The following PDE1A variants were observed in gnomAD, a reference collection of about 807,000 sequenced individuals.
The protein encoded by PDE1A is phosphodiesterase 1A.
PDE1A carries 35 observed loss-of-function variants against 61.7 expected under a neutral mutation model. That is an observed-to-expected ratio of 0.57 (90% CI 0.43 to 0.75). PDE1A has a LOEUF of 0.75. Among genes scored for constraint, PDE1A ranks in the 30% least tolerant of loss-of-function variants. The probability of loss-of-function intolerance (pLI) is 0.00; values close to 1 mark genes in which losing one functional copy is unlikely to be tolerated. For synonymous variants in PDE1A, 232 were observed against 213.2 expected (o/e 1.09, Z -0.77); for missense variants, 597 against 630.6 (o/e 0.95, Z 0.57).
the PDE1A span, among the ~76,000 whole-genome samples, chr2:182,663,725 C>T: frequency 6.6e-6 from 1 of 151,846 alleles, no homozygotes; most frequent in East Asian, 1.9e-4. Flanking sequence ...TAATGAGTAC[C>T]AGGCTTAGTA....
At chr2:182,251,876 G>T (rs954186551) in intron 2 of PDE1A, among the ~76,000 whole-genome samples, 3 of 152,118 alleles carry the variant, frequency 2.0e-5, no homozygotes, top group African/African-American at 7.2e-5. Context: ...ACTTGACTGA[G>T]AACTAAAAAA....
At chr2:182,213,893 G>A (rs1285736455) in intron 7 of PDE1A, among the ~76,000 whole-genome samples, 67 of 122,558 alleles carry the variant, frequency 5.5e-4, no homozygotes, top group African/African-American at 1.9e-3. Flanking sequence ...GCAGGCCAAC[G>A]TTCACATTCA....
chr2:182,548,153 G>A, the PDE1A span, among the ~76,000 whole-genome samples: 84 of 152,230 alleles, frequency 5.5e-4, 1 homozygote, highest in South Asian at 0.012. Context: ...TTAAGTCAGT[G>A]AACATAATAT....
chr2:182,585,699 A>G, the PDE1A span, among the ~76,000 whole-genome samples: 2 of 152,192 alleles, frequency 1.3e-5, no homozygotes, highest in Non-Finnish European at 2.9e-5. Context: ...GAGAAGCAAA[A>G]TATTTCTCAT....
chr2:182,643,827 C>T, the PDE1A span, among the ~76,000 whole-genome samples: 2 of 152,008 alleles, frequency 1.3e-5, no homozygotes, highest in Admixed American at 1.3e-4. Flanking sequence ...TTTGGCACAT[C>T]TAGAAAAATA....
the PDE1A span, among the ~76,000 whole-genome samples, chr2:182,691,893 G>A: frequency 1.3e-5 from 2 of 151,018 alleles, no homozygotes; most frequent in East Asian, 3.9e-4. Flanking sequence ...CTCAAAAGAA[G>A]ACATTTATGT....
At chr2:182,350,532 T>C (rs1574423257) in intron 1 of PDE1A, among the ~76,000 whole-genome samples, 1 of 152,196 alleles carries the variant, frequency 6.6e-6, no homozygotes. Context: ...GCAAGGCCCC[T>C]TTTTAAAAAG....
chr2:182,476,894 T>C (rs971248619), intron 2 of PDE1A, among the ~76,000 whole-genome samples: 4 of 109,764 alleles, frequency 3.6e-5, no homozygotes, highest in Admixed American at 1.9e-4. Flanking sequence ...AAGGTTTTCA[T>C]AAAAAAAAAA....
the PDE1A span, among the ~76,000 whole-genome samples, chr2:182,685,527 G>T: frequency 6.6e-6 from 1 of 152,148 alleles, no homozygotes; most frequent in African/African-American, 2.4e-5. Flanking sequence ...CTTTGTGCAA[G>T]TTATTTAACC....
At chr2:182,528,750 C>T in the PDE1A span, among the ~76,000 whole-genome samples, 5 of 152,186 alleles carry the variant, frequency 3.3e-5, no homozygotes, top group African/African-American at 7.2e-5. Context: ...GATTTCGTGC[C>T]CTGTATCCCA....
At chr2:182,273,740 A>G (rs927428679) in intron 1 of PDE1A, among the ~76,000 whole-genome samples, 8 of 152,050 alleles carry the variant, frequency 5.3e-5, no homozygotes, top group African/African-American at 1.4e-4. Flanking sequence ...GAAAGTGAGG[A>G]GATAAAAGGT....
At chr2:182,550,796 G>A in the PDE1A span, among the ~76,000 whole-genome samples, 3,976 of 152,220 alleles carry the variant, frequency 0.026, 175 homozygotes, top group African/African-American at 0.09. Context: ...TTGTGGTTCC[G>A]CTATCCTGTA....
At chr2:182,175,988 T>G (rs1347074008) in intron 13 of PDE1A, among the ~76,000 whole-genome samples, 1 of 147,112 alleles carries the variant, frequency 6.8e-6, no homozygotes, top group African/African-American at 2.7e-5. Flanking sequence ...AAAGATCAGA[T>G]AGTTGTAGAT....
chr2:182,237,425 C>T (rs1690116512), intron 3 of PDE1A, among the ~76,000 whole-genome samples: 3 of 152,246 alleles, frequency 2.0e-5, no homozygotes, highest in South Asian at 4.1e-4. Context: ...TTGCAGTAAA[C>T]GGAGATCAAG....
chr2:182,211,141 G>A lies in PDE1A; in HGVS notation c.777-5076C>T, dbSNP rs1458767319. Among the ~76,000 whole-genome samples, 5 of 152,104 alleles carry A rather than the reference G, an allele frequency of 3.3e-5. No homozygotes were observed. In the South Asian group the frequency reaches 8.3e-4, roughly 25 times the overall value. ...AATACCTTCCAACCCTGTCACATTG[G>A]GAGTTATGTTTGCAACACATGAATT... On this transcript the variant is annotated intron_variant, in intron 7 of 13. Coordinates refer to ENST00000351439, the Ensembl canonical transcript of PDE1A.
intron 2 of PDE1A, among the ~76,000 whole-genome samples, chr2:182,254,843 C>T (rs987966310): frequency 6.6e-6 from 1 of 152,150 alleles, no homozygotes; most frequent in Non-Finnish European, 1.5e-5. Context: ...AAGCACTTTC[C>T]TCCATTCTCA....
chr2:182,219,167 C>T (rs988341424), intron 7 of PDE1A, among the ~76,000 whole-genome samples: 1 of 151,884 alleles, frequency 6.6e-6, no homozygotes, highest in African/African-American at 2.4e-5. Context: ...ATAGAAAAGT[C>T]GTTTTTAAAG....
the PDE1A span, among the ~76,000 whole-genome samples, chr2:182,709,149 C>A: frequency 2.1e-5 from 3 of 144,480 alleles, no homozygotes; most frequent in African/African-American, 7.9e-5. Context: ...AATTCCAAAT[C>A]TTTTGAGGAA....
At chr2:182,366,634 T>TGAA (rs3063063) in intron 1 of PDE1A, among the ~76,000 whole-genome samples, 107,979 of 151,544 alleles carry the variant, frequency 0.71, 38,726 homozygotes, top group East Asian at 0.96. Context: ...TCATTTCACA[T>TGAA]GAGACATTTT....
Sources: allele counts gnomAD v4.1 joint callset (sites outside exome capture counted in the v4.1 genomes callset), GRCh38; gene constraint gnomAD v4.1.1; transcripts MANE v1.5; gene names NCBI Gene and HGNC (gene_info 2026-07-23, HGNC 2026-07-21).